The following JPH2 variants were observed in gnomAD, a reference collection of about 807,000 sequenced individuals.
JPH2 encodes junctophilin 2, also known as junctophilin-2.
A neutral mutation model predicts 55.9 loss-of-function variants in JPH2; 38 were observed. The ratio of observed to expected loss-of-function variants is 0.68; its 90% CI spans 0.52 to 0.89. JPH2 has a LOEUF of 0.89. Ranked by LOEUF, JPH2 falls within the 40% of genes least tolerant of loss-of-function variation. JPH2 has a pLI of 0.00. For synonymous variants in JPH2, 480 were observed against 472.4 expected (o/e 1.02, Z -0.21); for missense variants, 964 against 1,037.6 (o/e 0.93, Z 0.97).
rs1569209454 is a variant in JPH2 at position 44,159,380 on chromosome 20, A to C, written c.1169+238T>G. ...GATGGCTGTTCAGGTGGATATTAGA[A>C]AGGTTGGGTGAGTGGTAGGGTTAAG... is the stretch of plus-strand genomic sequence containing the variant. On this transcript the variant is annotated intron_variant, in intron 2 of 5. Transcript: ENST00000372980. This position sits in a 1 kb window ranked among gnomAD's most constrained non-coding sequence, Gnocchi z 5.7. Among the ~76,000 whole-genome samples the C allele has an allele frequency of 1.3e-5, 2 of 151,864 alleles. No individual in the cohort carries two copies. Among genetic ancestry groups the C allele is most frequent in the African/African-American group, 4.8e-5 (2 of 41,330 alleles).
rs1569195645 is a variant in JPH2 at position 44,134,860 on chromosome 20, A to ATAAATATT, written c.1170-16238_1170-16237insAATATTTA. Among the ~76,000 whole-genome samples, 179 of 39,280 alleles carry ATAAATATT rather than the reference A, an allele frequency of 4.6e-3. 1 individual carries two copies. Among genetic ancestry groups the ATAAATATT allele is most frequent in the Non-Finnish European group, 6.8e-3 (161 of 23,520 alleles). 25.8% of individuals were successfully genotyped at this position (39,280 alleles called of 152,430 possible). A position where few individuals can be genotyped will look rare whatever the true frequency, so the allele number is the denominator to read the frequency against. On this transcript the variant is annotated intron_variant, in intron 2 of 5. Transcript: ENST00000372980. ...AAATATATGTTTATTATAAATATAT[A>ATAAATATT]TATAAATATATATATTTATATATAT...
At chr20:44,174,374 A>C (rs1241316832) in intron 1 of JPH2, among the ~76,000 whole-genome samples, 1 of 152,164 alleles carries the variant, frequency 6.6e-6, no homozygotes, top group East Asian at 1.9e-4. Context: ...ACATTCTGGA[A>C]AACTGTGCTT....
chr20:44,120,267 T>C (rs2072226048), intron 2 of JPH2, among the ~76,000 whole-genome samples: 1 of 152,134 alleles, frequency 6.6e-6, no homozygotes, highest in Non-Finnish European at 1.5e-5. Flanking sequence ...CCATAAATGA[T>C]TGCATGGAGC....
intron 2 of JPH2, among the ~76,000 whole-genome samples, chr20:44,156,027 C>G (rs1164018750): frequency 1.4e-5 from 2 of 141,784 alleles, no homozygotes; most frequent in African/African-American, 5.2e-5. Context: ...CACAGTGAGA[C>G]CCTGCCTCAA....
At chr20:44,156,264 CG>C (rs2072565883) in intron 2 of JPH2, among the ~76,000 whole-genome samples, 1 of 152,122 alleles carries the variant, frequency 6.6e-6, no homozygotes, top group African/African-American at 2.4e-5. Context: ...ATTATGATAA[CG>C]TAAGAAGTTA....
intron 1 of JPH2, among the ~76,000 whole-genome samples, chr20:44,170,520 C>T (rs892193265): frequency 6.6e-6 from 1 of 152,178 alleles, no homozygotes; most frequent in Non-Finnish European, 1.5e-5. Flanking sequence ...GTTAATGGCT[C>T]TTGTCCAAGC....
chr20:44,116,316 G>A lies in JPH2; in HGVS notation c.1359C>T (p.Pro453=), dbSNP rs1199694555. The change falls in exon 4 of 6, where the codon CCC becomes CCT. Residue 453 remains proline (P), a synonymous_variant. Coordinates refer to ENST00000372980, the MANE Select transcript of JPH2 (RefSeq NM_020433.5). ...LENSESLLEP[P]DRGAGAAGLP... is the part of the protein sequence containing the mutation. ...GGCCCGCTGCGCCGGCGCCCCGGTC[G>A]GGGGGCTCCAGCAGGCTCTCCGAGT... is the stretch of plus-strand genomic sequence containing the variant. 14 of 1,543,256 alleles carry A rather than the reference G, an allele frequency of 9.1e-6. No homozygotes were observed. Among genetic ancestry groups the A allele is most frequent in the African/African-American group, 1.4e-5 (1 of 72,720 alleles).
chr20:44,117,082 G>C (rs1341957823), intron 3 of JPH2, among the ~76,000 whole-genome samples: 1 of 152,200 alleles, frequency 6.6e-6, no homozygotes, highest in Non-Finnish European at 1.5e-5. Context: ...AGATCGAGAC[G>C]ATCCTGGCCA....
At chr20:44,182,598 C>T (rs2072794105) in intron 1 of JPH2, among the ~76,000 whole-genome samples, 1 of 152,222 alleles carries the variant, frequency 6.6e-6, no homozygotes, top group Non-Finnish European at 1.5e-5. Context: ...CCCAGCACTG[C>T]CTCGGGGCCT....
rs1297633467 is a variant in JPH2 at position 44,120,311 on chromosome 20, G to A, written c.1170-1688C>T. Among the ~76,000 whole-genome samples the A allele has an allele frequency of 2.0e-5, 3 of 152,148 alleles. No homozygotes were observed. The East Asian group carries it at 5.8e-4, about 29-fold the overall frequency. On this transcript the variant is annotated intron_variant, in intron 2 of 5. Coordinates refer to ENST00000372980, the MANE Select transcript of JPH2 (RefSeq NM_020433.5). ...TTCCCACAGCCCCACAGTTGCACGT[G>A]ACAGGAGCAAATTTTAAATATTCAT...
At chr20:44,155,900 G>A (rs1420571160) in intron 2 of JPH2, among the ~76,000 whole-genome samples, 2 of 152,126 alleles carry the variant, frequency 1.3e-5, no homozygotes, top group African/African-American at 4.8e-5. Context: ...GCCAGGTGTG[G>A]TGGCGCACAC....
In JPH2 at chr20:44,108,880, A is replaced by G. The variant is rs889943658; in HGVS notation, c.*4638T>C. ...ACTCTCTCCAGACCTGTTTCCCCATATGAAAAACAGGGGGCCAGATGAGCT... is the reference window on the plus strand; with the variant it reads ...ACTCTCTCCAGACCTGTTTCCCCATGTGAAAAACAGGGGGCCAGATGAGCT... On this transcript the variant is annotated 3_prime_UTR_variant, in exon 6 of 6. Transcript: ENST00000372980. Among the ~76,000 whole-genome samples the G allele has an allele frequency of 1.3e-5, 2 of 152,106 alleles. No homozygotes were observed. The highest frequency in any genetic ancestry group is 2.9e-5 in the Non-Finnish European group (2 of 68,020).
chr20:44,179,204 A>G (rs1222911686), intron 1 of JPH2, among the ~76,000 whole-genome samples: 2 of 152,220 alleles, frequency 1.3e-5, no homozygotes, highest in African/African-American at 2.4e-5. Flanking sequence ...AATTCTCTCA[A>G]CAAAATAGAA....
intron 2 of JPH2, among the ~76,000 whole-genome samples, chr20:44,158,112 G>C (rs151143646): frequency 8.1e-4 from 123 of 152,302 alleles, no homozygotes; most frequent in African/African-American, 2.9e-3. Flanking sequence ...TATTTAAGTG[G>C]TGGGTTAAAA....
At chr20:44,162,783 TATATACAC>T (rs1367073759) in intron 1 of JPH2, among the ~76,000 whole-genome samples, 2,190 of 60,942 alleles carry the variant, frequency 0.036, 11 homozygotes, top group Non-Finnish European at 0.049. Flanking sequence ...TATATATATA[TATATACAC>T]ACACACACAC....
At chr20:44,125,333 A>G (rs1429046024) in intron 2 of JPH2, among the ~76,000 whole-genome samples, 1 of 137,084 alleles carries the variant, frequency 7.3e-6, no homozygotes, top group East Asian at 2.5e-4. Flanking sequence ...GTATTCACTC[A>G]ATGAATGTCT....
intron 1 of JPH2, among the ~76,000 whole-genome samples, chr20:44,170,151 G>A (rs1342323121): frequency 1.3e-5 from 2 of 152,186 alleles, no homozygotes; most frequent in Non-Finnish European, 2.9e-5. Flanking sequence ...GCCTATAGAA[G>A]TCCTTACCTG....
At chr20:44,183,341 T>C (rs2072803067) in intron 1 of JPH2, among the ~76,000 whole-genome samples, 1 of 152,194 alleles carries the variant, frequency 6.6e-6, no homozygotes, top group Non-Finnish European at 1.5e-5. Flanking sequence ...GTCACCCAAC[T>C]AGCAAGTTGT....
At chr20:44,126,135 AGAGAGAGG>A (rs1298390668) in intron 2 of JPH2, among the ~76,000 whole-genome samples, 3 of 23,970 alleles carry the variant, frequency 1.3e-4, no homozygotes, top group Admixed American at 4.9e-4. Context: ...CAGAAGAAAA[AGAGAGAGG>A]GAGGGAGGGA....
Sources: allele counts gnomAD v4.1 joint callset (sites outside exome capture counted in the v4.1 genomes callset), GRCh38; gene constraint gnomAD v4.1.1; non-coding constraint Gnocchi (gnomAD v3.1); transcripts MANE v1.5; gene names NCBI Gene and HGNC (gene_info 2026-07-23, HGNC 2026-07-21).